The following DNAH5 variants were observed in gnomAD, a reference collection of about 807,000 sequenced individuals.
DNAH5 encodes the protein axonemal beta dynein heavy chain 5.
DNAH5 carries 372 observed loss-of-function variants against 518.2 expected under a neutral mutation model. That is an observed-to-expected ratio of 0.72 (90% CI 0.66 to 0.78). The LOEUF is 0.78. DNAH5 is among the 30% of genes least tolerant of loss of function. DNAH5 has a pLI of 0.00. For synonymous variants in DNAH5, 2,039 were observed against 2,025.9 expected (o/e 1.01, Z -0.17); for missense variants, 5,523 against 5,687.0 (o/e 0.97, Z 0.93).
chr5:13,894,712 G>C lies in DNAH5; in HGVS notation c.2369C>G (p.Ala790Gly). 1.2e-6 allele frequency: 2 copies of C among 1,614,136 alleles called. No homozygotes were observed. The highest frequency in any genetic ancestry group is 1.7e-6 in the Non-Finnish European group (2 of 1,179,970). Residue 790 changes from alanine to glycine, a missense_variant, in exon 16 of 79, where the codon GCT becomes GGT. By Grantham distance (60) the Ala-to-Gly change is moderately conservative. This residue lies in a region of DNAH5 where 5,121 missense variants were observed against 5,223.3 expected (regional missense o/e 0.98). Transcript: ENST00000265104. ...ATTCAGTGATGTCCAGGTCAGTGCAGCCAAGCCAGGTTGGAGAGCTTCATC... is the reference window on the plus strand; with the variant it reads ...ATTCAGTGATGTCCAGGTCAGTGCACCCAAGCCAGGTTGGAGAGCTTCATC... Reference protein sequence around the residue: ...KVDEALQPGLAALTWTSLNIE... With the variant: ...KVDEALQPGLGALTWTSLNIE...
Position 13,706,904 on chromosome 5 carries a change from T to A in DNAH5, c.13338+1219A>T, listed in dbSNP as rs528003101. On this transcript the variant is annotated intron_variant, in intron 76 of 78. Coordinates refer to ENST00000265104, the MANE Select transcript of DNAH5 (RefSeq NM_001369.3). ...AAGTGCTGGGTAGAGAAGGGCAGGG[T>A]CCCTGGCGAAGGCTCCACCCTCAGG... is the stretch of plus-strand genomic sequence containing the variant. Among the ~76,000 whole-genome samples, 411 of 152,256 alleles carry A rather than the reference T, an allele frequency of 2.7e-3. 1 individual carries two copies. The highest frequency in any genetic ancestry group is 5.0e-3 in the Non-Finnish European group (338 of 68,004).
At chr5:14,009,736 C>A (rs915650813) in intron 1 of DNAH5, among the ~76,000 whole-genome samples, 2 of 152,150 alleles carry the variant, frequency 1.3e-5, no homozygotes, top group African/African-American at 4.8e-5. Context: ...CACCATACTT[C>A]CAGCTTAAGT....
intron 26 of DNAH5, 103 bp from the exon 27 acceptor site, chr5:13,866,009 C>A: frequency 2.1e-6 from 2 of 944,442 alleles, no homozygotes; most frequent in Non-Finnish European, 3.4e-6. Context: ...GATGTATGAT[C>A]TCTGGGCACA....
At chr5:13,981,952 T>G (rs1782703302) in intron 1 of DNAH5, among the ~76,000 whole-genome samples, 2 of 152,192 alleles carry the variant, frequency 1.3e-5, no homozygotes, top group South Asian at 4.1e-4. Flanking sequence ...AAGCTTTACA[T>G]CCTTGTCAGC....
At chr5:13,856,917 C>G (rs1767713948) in intron 30 of DNAH5, among the ~76,000 whole-genome samples, 1 of 152,132 alleles carries the variant, frequency 6.6e-6, no homozygotes, top group African/African-American at 2.4e-5. Context: ...ACTGAATAGG[C>G]AAAAGCTGGA....
intron 61 of DNAH5, 111 bp from the exon 62 acceptor site, chr5:13,754,449 GCCATTA>G (rs1750700851): frequency 8.3e-7 from 1 of 1,207,462 alleles, no homozygotes; most frequent in East Asian, 2.4e-5. Context: ...AGACATGTGA[GCCATTA>G]CTTCACAAGA....
Position 13,794,056 on chromosome 5 carries a change from C to G in DNAH5, c.7890G>C (p.Arg2630Ser). ...SSATTPLMFQ[R>S]TIESYVDKRM... is the part of the protein sequence containing the mutation. ...GTTTATCCACATAGCTCTCTATCGT[C>G]CTCTGTGAAAAAAAAATCAACTGAA... Residue 2630 changes from arginine to serine, a missense_variant and splice_region_variant, in exon 48 of 79, where the codon AGG (arginine) becomes AGC (serine). By Grantham distance (110) the Arg-to-Ser change is moderately radical. Coordinates refer to ENST00000265104, the MANE Select transcript of DNAH5 (RefSeq NM_001369.3). The G allele has an allele frequency of 6.2e-7, 1 of 1,613,972 alleles. No individual in the cohort carries two copies. The highest frequency in any genetic ancestry group is 2.2e-5 in the East Asian group (1 of 44,844).
At chr5:13,827,152 T>C (rs1398175929) in intron 38 of DNAH5, among the ~76,000 whole-genome samples, 1 of 152,128 alleles carries the variant, frequency 6.6e-6, no homozygotes, top group Non-Finnish European at 1.5e-5. Flanking sequence ...TGGAAGAAAT[T>C]TCTAAGCGGC....
At chr5:13,981,629 A>G (rs1475392283) in intron 1 of DNAH5, among the ~76,000 whole-genome samples, 1 of 152,218 alleles carries the variant, frequency 6.6e-6, no homozygotes, top group Non-Finnish European at 1.5e-5. Context: ...CGGTGCTACC[A>G]GGACAGCCCC....
At chr5:13,989,821 TAG>T (rs200599009) in intron 1 of DNAH5, among the ~76,000 whole-genome samples, 2,831 of 152,176 alleles carry the variant, frequency 0.019, 54 homozygotes, top group Middle Eastern at 0.051. Context: ...TTCTGAGACT[TAG>T]AGGTAGGTTT....
rs1765739575 is a variant in DNAH5 at position 13,844,773 on chromosome 5, A to G, written c.5271+64T>C. On this transcript the variant is annotated intron_variant, in intron 32 of 78. Coordinates refer to ENST00000265104, the MANE Select transcript of DNAH5 (RefSeq NM_001369.3). The stretch of plus-strand genomic sequence containing the variant: ...GTTATAAACCCGTTTTCGAAGAGCT[A>G]CTTAAAGACAGTTGAGGTTCGAAGG... 1.9e-6 allele frequency: 3 copies of G among 1,604,410 alleles called. No homozygotes were observed. The South Asian group carries it at 3.3e-5, about 18-fold the overall frequency.
At chr5:13,846,675 T>C (rs1191037123) in intron 31 of DNAH5, among the ~76,000 whole-genome samples, 1 of 152,088 alleles carries the variant, frequency 6.6e-6, no homozygotes, top group African/African-American at 2.4e-5. Flanking sequence ...GAAATGGACA[T>C]GTGTACAGGG....
intron 14 of DNAH5, 104 bp downstream of exon 14, chr5:13,901,148 A>C: frequency 7.8e-7 from 1 of 1,275,214 alleles, no homozygotes. Context: ...CTGCCTTACA[A>C]AACACCTACA....
chr5:13,876,734 T>C lies in DNAH5; in HGVS notation c.3346A>G (p.Ile1116Val), dbSNP rs1413277616. 6.2e-7 allele frequency: 1 copy of C among 1,613,950 alleles called. No homozygotes were observed. The highest frequency in any genetic ancestry group is 1.7e-5 in the Admixed American group (1 of 59,970). Residue 1116 changes from isoleucine to valine, a missense_variant, in exon 22 of 79, where the codon ATT (isoleucine) becomes GTT (valine). This residue lies in a region of DNAH5 where 5,121 missense variants were observed against 5,223.3 expected (regional missense o/e 0.98). Transcript: ENST00000265104. Reference sequence around the variant, plus strand: ...CTAAGCACAGAAACTAATTTTACAATCTCTTTGTTTTCAGAAACATTCTTA... The same window carrying C: ...CTAAGCACAGAAACTAATTTTACAACCTCTTTGTTTTCAGAAACATTCTTA... Reference protein sequence around the residue: ...YYKNVSENKEIVKLVSVLSTI... With the variant: ...YYKNVSENKEVVKLVSVLSTI...
intron 25 of DNAH5, among the ~76,000 whole-genome samples, chr5:13,866,932 G>A (rs531933045): frequency 6.6e-6 from 1 of 152,186 alleles, no homozygotes; most frequent in African/African-American, 2.4e-5. Context: ...AAACCTATAT[G>A]GATAATTAAA....
At chr5:13,728,485 A>C (rs1162570600) in intron 69 of DNAH5, among the ~76,000 whole-genome samples, 1 of 152,194 alleles carries the variant, frequency 6.6e-6, no homozygotes, top group African/African-American at 2.4e-5. Flanking sequence ...AAGACTACTT[A>C]ATATTGAGGG....
At chr5:13,931,275 A>C in intron 1 of DNAH5, 31 bp from the exon 2 acceptor site, 1 of 1,613,766 alleles carries the variant, frequency 6.2e-7, no homozygotes, top group Non-Finnish European at 8.5e-7. Context: ...TGTTACATGG[A>C]AACTGCTGTT....
chr5:13,705,397 G>A (rs1269757664), intron 76 of DNAH5, among the ~76,000 whole-genome samples: 1 of 152,172 alleles, frequency 6.6e-6, no homozygotes, highest in Non-Finnish European at 1.5e-5. Flanking sequence ...AATTAGCCCA[G>A]CTTAGCCATT....
chr5:13,828,649 T>C (rs1411148012), intron 38 of DNAH5, among the ~76,000 whole-genome samples: 1 of 152,268 alleles, frequency 6.6e-6, no homozygotes, highest in Non-Finnish European at 1.5e-5. Flanking sequence ...TAAGTGGTCA[T>C]GTTGGGGAAA....
Sources: allele counts gnomAD v4.1 joint callset (sites outside exome capture counted in the v4.1 genomes callset), GRCh38; gene constraint gnomAD v4.1.1; regional missense constraint gnomAD v4.1.1; transcripts MANE v1.5; gene names NCBI Gene and HGNC (gene_info 2026-07-23, HGNC 2026-07-21).